STAG1: variants seen among roughly 807,000 people sequenced by gnomAD.
The protein encoded by STAG1 is cohesin subunit SA-1.
STAG1 carries 26 observed loss-of-function variants against 170.9 expected under a neutral mutation model. The observed-to-expected ratio is 0.15, with a 90% CI of 0.11 to 0.21. STAG1 has a LOEUF of 0.21. Among genes scored for constraint, STAG1 ranks in the 10% least tolerant of loss-of-function variants. The probability of loss-of-function intolerance (pLI) is 1.00; values close to 1 mark genes in which losing one functional copy is unlikely to be tolerated. For synonymous variants in STAG1, 514 were observed against 497.7 expected (o/e 1.03, Z -0.44); for missense variants, 964 against 1,509.5 (o/e 0.64, Z 5.99).
intron 5 of STAG1, among the ~76,000 whole-genome samples, chr3:136,564,565 G>C (rs1375904415): frequency 2.0e-5 from 3 of 152,080 alleles, no homozygotes; most frequent in African/African-American, 4.8e-5. Context: ...GTCTATGTCA[G>C]GATTTTTATT....
chr3:136,349,415 CACTT>C, intron 28 of STAG1, 52 bp from the exon 29 acceptor site: 1 of 1,397,074 alleles, frequency 7.2e-7, no homozygotes, highest in Non-Finnish European at 1.0e-6. Context: ...GTTCATACAT[CACTT>C]ACTTTTTCTT....
chr3:136,539,917 C>G (rs1447910798), intron 6 of STAG1, among the ~76,000 whole-genome samples: 1 of 152,070 alleles, frequency 6.6e-6, no homozygotes, highest in Non-Finnish European at 1.5e-5. Flanking sequence ...CTCACCTTTA[C>G]CTTACTTTGC....
intron 9 of STAG1, among the ~76,000 whole-genome samples, chr3:136,493,984 C>T (rs201142779): frequency 7.2e-5 from 11 of 152,232 alleles, no homozygotes; most frequent in Admixed American, 3.9e-4. Flanking sequence ...AAAAATCTGG[C>T]GGTGTGCAGG....
At chr3:136,520,515 G>A (rs186577945) in intron 7 of STAG1, among the ~76,000 whole-genome samples, 1 of 152,064 alleles carries the variant, frequency 6.6e-6, no homozygotes, top group Admixed American at 6.5e-5. Flanking sequence ...GTCATTTTAG[G>A]TAGGCACAGT....
At chr3:136,699,778 A>C (rs1942997278) in intron 1 of STAG1, among the ~76,000 whole-genome samples, 1 of 152,188 alleles carries the variant, frequency 6.6e-6, no homozygotes, top group Admixed American at 6.5e-5. Context: ...AGATGATACT[A>C]ATGTAATATA....
At chr3:136,485,550 C>G (rs1052176413) in intron 9 of STAG1, among the ~76,000 whole-genome samples, 1 of 152,066 alleles carries the variant, frequency 6.6e-6, no homozygotes, top group Non-Finnish European at 1.5e-5. Flanking sequence ...TTTCTTTTTT[C>G]AGACAAAAAA....
At chr3:136,725,646 C>T (rs1411833920) in intron 1 of STAG1, among the ~76,000 whole-genome samples, 1 of 152,108 alleles carries the variant, frequency 6.6e-6, no homozygotes, top group Non-Finnish European at 1.5e-5. Flanking sequence ...AGAAGGACAG[C>T]CTATCATATG....
intron 11 of STAG1, among the ~76,000 whole-genome samples, chr3:136,473,111 C>T (rs1008423275): frequency 1.3e-5 from 2 of 151,948 alleles, no homozygotes; most frequent in African/African-American, 2.4e-5. Flanking sequence ...CTGTGAACTG[C>T]GCATGCAAGG....
chr3:136,467,607 G>A (rs984660704), intron 12 of STAG1, among the ~76,000 whole-genome samples: 1 of 152,176 alleles, frequency 6.6e-6, no homozygotes, highest in African/African-American at 2.4e-5. Flanking sequence ...CGATGAGACA[G>A]AAAGTTAAAA....
intron 9 of STAG1, among the ~76,000 whole-genome samples, chr3:136,478,557 A>C (rs1455186988): frequency 6.6e-6 from 1 of 152,200 alleles, no homozygotes. Context: ...AGTAATTTTT[A>C]ATTATCCAAT....
At chr3:136,464,200 G>T (rs1173086154) in intron 13 of STAG1, among the ~76,000 whole-genome samples, 1 of 151,852 alleles carries the variant, frequency 6.6e-6, no homozygotes, top group Non-Finnish European at 1.5e-5. Context: ...GAGGCGGGCG[G>T]ATTACCTGAG....
intron 1 of STAG1, among the ~76,000 whole-genome samples, chr3:136,720,805 G>A (rs1933213835): frequency 6.6e-6 from 1 of 151,564 alleles, no homozygotes. Flanking sequence ...AAAAGAAAAA[G>A]AAAAAGAAAA....
intron 3 of STAG1, among the ~76,000 whole-genome samples, chr3:136,619,496 G>A (rs1324749064): frequency 6.6e-6 from 1 of 151,948 alleles, no homozygotes; most frequent in Non-Finnish European, 1.5e-5. Flanking sequence ...GGTGGCTCAC[G>A]CCTGTAATCC....
chr3:136,371,669 T>C (rs1347157232), intron 23 of STAG1, among the ~76,000 whole-genome samples: 3 of 152,200 alleles, frequency 2.0e-5, no homozygotes, highest in Non-Finnish European at 4.4e-5. Context: ...TAGTTGTAGA[T>C]ATGCGGCATT....
chr3:136,476,253 C>T (rs564452596), intron 10 of STAG1, among the ~76,000 whole-genome samples: 2 of 152,308 alleles, frequency 1.3e-5, no homozygotes, highest in East Asian at 3.9e-4. Flanking sequence ...TCCTCCTGGT[C>T]ATGAGACTAA....
chr3:136,518,561 C>G, intron 7 of STAG1: 1 of 585,788 alleles, frequency 1.7e-6, no homozygotes, highest in South Asian at 2.1e-5. Context: ...CTCAGCAAGC[C>G]CTCTGTGCTT....
At chr3:136,589,952 A>G (rs1938073858) in intron 4 of STAG1, among the ~76,000 whole-genome samples, 1 of 151,896 alleles carries the variant, frequency 6.6e-6, no homozygotes, top group African/African-American at 2.4e-5. Flanking sequence ...ATAAAAATAC[A>G]TAATAAATAA....
intron 1 of STAG1, among the ~76,000 whole-genome samples, chr3:136,718,376 A>T (rs966932421): frequency 6.6e-6 from 1 of 152,194 alleles, no homozygotes; most frequent in Non-Finnish European, 1.5e-5. Flanking sequence ...AAGTTTTTTT[A>T]ATAATTAATA....
At chr3:136,436,158 G>C (rs1331239081) in intron 15 of STAG1, among the ~76,000 whole-genome samples, 1 of 152,064 alleles carries the variant, frequency 6.6e-6, no homozygotes, top group East Asian at 1.9e-4. Flanking sequence ...GTTTCACCAT[G>C]ATGGCCAGGC....
Sources: gnomAD v4.1 joint callset for allele counts (sites outside exome capture counted in the v4.1 genomes callset) on GRCh38, gnomAD v4.1.1 for gene constraint, MANE v1.5 for transcripts, NCBI Gene and HGNC (gene_info 2026-07-23, HGNC 2026-07-21) for gene names.